DCBLD2: variants seen among roughly 807,000 people sequenced by gnomAD.
The protein encoded by DCBLD2 is discoidin, CUB and LCCL domain containing 2.
A neutral mutation model predicts 86.8 loss-of-function variants in DCBLD2; 54 were observed. That is an observed-to-expected ratio of 0.62 (90% CI 0.50 to 0.78). The LOEUF (loss-of-function observed/expected upper bound fraction) is 0.78. Among genes scored for constraint, DCBLD2 ranks in the 30% least tolerant of loss-of-function variants. The probability of loss-of-function intolerance (pLI) is 0.00; values close to 1 mark genes in which losing one functional copy is unlikely to be tolerated. For missense variants in DCBLD2, 908 were observed against 954.2 expected, an observed-to-expected ratio of 0.95 and a Z score of 0.64; for synonymous variants, 354 against 341.3, an observed-to-expected ratio of 1.04 and a Z score of -0.41.
In DCBLD2 at chr3:98,798,169, T is replaced by G. The variant is rs1062196; in HGVS notation, c.*1203A>C. On this transcript the variant is annotated 3_prime_UTR_variant, in exon 16 of 16. Transcript: ENST00000326840. ...TAATGTCTGTTCCCTAGGTGACATA[T>G]AGGACTACTCAAACCTCTTACCACA... 1 of 152,052 alleles carries G rather than the reference T, an allele frequency of 6.6e-6. No homozygotes were observed. Among genetic ancestry groups the G allele is most frequent in the African/African-American group, 2.4e-5 (1 of 41,398 alleles). 9.4% of individuals were successfully genotyped at this position (152,052 alleles called of 1,614,324 possible). A position where few individuals can be genotyped will look rare whatever the true frequency, so the allele number is the denominator to read the frequency against.
chr3:98,837,823 A>G, intron 3 of DCBLD2, among the ~76,000 whole-genome samples: 1 of 124,248 alleles, frequency 8.0e-6, no homozygotes, highest in African/African-American at 3.2e-5. Context: ...CGGAGGGCTG[A>G]CCCCCCCACC....
intron 1 of DCBLD2, among the ~76,000 whole-genome samples, chr3:98,886,809 C>CTT (rs1553734159): frequency 0.14 from 17,098 of 120,970 alleles, 1,315 homozygotes; most frequent in African/African-American, 0.19. Flanking sequence ...AACCCCCCCC[C>CTT]TTTTTTTTTT....
At chr3:98,880,244 A>T (rs1943441462) in intron 2 of DCBLD2, among the ~76,000 whole-genome samples, 1 of 152,230 alleles carries the variant, frequency 6.6e-6, no homozygotes, top group East Asian at 1.9e-4. Flanking sequence ...GAAGGATTTC[A>T]CTAGAGATGG....
At chr3:98,890,686 C>T (rs988167301) in intron 1 of DCBLD2, among the ~76,000 whole-genome samples, 11 of 151,954 alleles carry the variant, frequency 7.2e-5, no homozygotes, top group Non-Finnish European at 1.5e-4. Context: ...TCATATCTCC[C>T]CTCCCTCCTT....
intron 3 of DCBLD2, among the ~76,000 whole-genome samples, chr3:98,848,830 T>C (rs556192898): frequency 7.2e-5 from 11 of 152,180 alleles, no homozygotes; most frequent in Non-Finnish European, 1.0e-4. Context: ...TGAATAATAA[T>C]GTTTTAAATT....
At chr3:98,870,503 C>T (rs1195946319) in intron 2 of DCBLD2, among the ~76,000 whole-genome samples, 1 of 151,646 alleles carries the variant, frequency 6.6e-6, no homozygotes, top group African/African-American at 2.4e-5. Context: ...TATGATGGCA[C>T]ACACCTGTAG....
intron 13 of DCBLD2, among the ~76,000 whole-genome samples, chr3:98,803,156 G>A (rs758114299): frequency 1.3e-3 from 192 of 152,236 alleles, no homozygotes; most frequent in Admixed American, 2.2e-3. Flanking sequence ...CCATTTTCAC[G>A]ATATTGATTC....
At chr3:98,883,520 G>A (rs1943509320) in intron 1 of DCBLD2, among the ~76,000 whole-genome samples, 1 of 152,076 alleles carries the variant, frequency 6.6e-6, no homozygotes, top group South Asian at 2.1e-4. Flanking sequence ...CAACATGTTT[G>A]TAAAAATGAA....
chr3:98,801,220 G>A (rs1576152269), intron 14 of DCBLD2: 1 of 247,894 alleles, frequency 4.0e-6, no homozygotes. Flanking sequence ...GACTCCACTT[G>A]GTGAATAACC....
rs554016235 is a variant in DCBLD2 at position 98,838,147 on chromosome 3, AC to A, written c.571+11313del. The stretch of plus-strand genomic sequence containing the variant: ...GGGCGGCTGGTCGGGCGGGGGGCTG[AC>A]CCCCCCCACCTCCCTCCCGGACGGG... On this transcript the variant is annotated intron_variant, in intron 3 of 15. Transcript: ENST00000326840. Among the ~76,000 whole-genome samples, 12 of 71,298 alleles carry A rather than the reference AC, an allele frequency of 1.7e-4. No homozygotes were observed. In the East Asian group the frequency reaches 2.7e-3, roughly 16 times the overall value. 46.8% of individuals were successfully genotyped at this position (71,298 alleles called of 152,430 possible).
intron 2 of DCBLD2, among the ~76,000 whole-genome samples, chr3:98,858,543 T>C (rs1307610126): frequency 6.6e-6 from 1 of 152,304 alleles, no homozygotes; most frequent in East Asian, 1.9e-4. Context: ...CATTAAAAAA[T>C]AGGCATATAG....
At position 98,822,663 on chromosome 3, in the gene DCBLD2, G is replaced by C. The variant is rs1408571416; in HGVS notation, c.696+6C>G. On this transcript the variant is annotated splice_donor_region_variant and intron_variant, in intron 5 of 15. Coordinates refer to ENST00000326840, the MANE Select transcript of DCBLD2 (RefSeq NM_080927.4). ...CAATTTTCAAATAAGTTTATATCTG[G>C]CTTACATCTCTATATCCATGAGGAA... 2.5e-6 allele frequency: 4 copies of C among 1,574,836 alleles called. No individual in the cohort carries two copies. The highest frequency in any genetic ancestry group is 2.6e-6 in the Non-Finnish European group (3 of 1,160,400).
chr3:98,881,798 A>C, intron 1 of DCBLD2, 31 bp from the exon 2 acceptor site: 1 of 1,571,768 alleles, frequency 6.4e-7, no homozygotes, highest in Non-Finnish European at 8.7e-7. Context: ...ATGATAAATT[A>C]TTCTCACATA....
intron 3 of DCBLD2, among the ~76,000 whole-genome samples, chr3:98,831,050 G>A (rs1184261792): frequency 6.6e-6 from 1 of 151,800 alleles, no homozygotes; most frequent in Non-Finnish European, 1.5e-5. Context: ...ACTGTTTTTG[G>A]TGTACAGAAA....
At chr3:98,812,615 T>C (rs1008811009) in intron 9 of DCBLD2, 133 bp from the exon 10 acceptor site, 6 of 666,410 alleles carry the variant, frequency 9.0e-6, no homozygotes, top group Non-Finnish European at 1.4e-5. Context: ...TAAGGATCAA[T>C]TTTTAAGAAA....
chr3:98,901,010 G>A, intron 1 of DCBLD2, 112 bp downstream of exon 1: 1 of 1,503,496 alleles, frequency 6.7e-7, no homozygotes. Context: ...GTCCGGCCAC[G>A]CACGAAAGCG....
intron 9 of DCBLD2, chr3:98,814,535 T>C (rs914624022): frequency 6.6e-6 from 1 of 152,136 alleles, no homozygotes; most frequent in African/African-American, 2.4e-5. Context: ...TCAAGAAACT[T>C]AAATTTTATT....
chr3:98,844,418 T>C (rs1376481020), intron 3 of DCBLD2, among the ~76,000 whole-genome samples: 1 of 151,454 alleles, frequency 6.6e-6, no homozygotes, highest in Non-Finnish European at 1.5e-5. Flanking sequence ...AGTGCAGTAA[T>C]GCAGTCTTGG....
intron 6 of DCBLD2, 126 bp from the exon 7 acceptor site, chr3:98,820,414 A>G: frequency 1.7e-6 from 1 of 597,598 alleles, no homozygotes. Flanking sequence ...CTGTGTGGCT[A>G]AAAATTAGAC....
Sources: allele counts gnomAD v4.1 joint callset (sites outside exome capture counted in the v4.1 genomes callset), GRCh38; gene constraint gnomAD v4.1.1; transcripts MANE v1.5; gene names NCBI Gene and HGNC (gene_info 2026-07-23, HGNC 2026-07-21).